Variants in PAPOLA observed in about 807,000 individuals in gnomAD.
PAPOLA encodes poly(A) polymerase alpha, also known as polynucleotide adenylyltransferase alpha.
PAPOLA carries 15 observed loss-of-function variants against 100.6 expected under a neutral mutation model. The observed-to-expected ratio is 0.15, with a 90% CI of 0.10 to 0.23. PAPOLA has a LOEUF of 0.23. Among genes scored for constraint, PAPOLA ranks in the 10% least tolerant of loss-of-function variants. PAPOLA has a pLI of 1.00. For missense variants in PAPOLA, 533 were observed against 884.2 expected, an observed-to-expected ratio of 0.60 and a Z score of 5.04; for synonymous variants, 293 against 300.0, an observed-to-expected ratio of 0.98 and a Z score of 0.24.
chr14:96,551,448 C>T (rs530672165), intron 16 of PAPOLA, among the ~76,000 whole-genome samples: 1 of 152,220 alleles, frequency 6.6e-6, no homozygotes, highest in Admixed American at 6.5e-5. Context: ...TCCTTTCTAC[C>T]AAATCTCATC....
intron 9 of PAPOLA, chr14:96,533,005 A>G (rs975185483): frequency 1.0e-6 from 1 of 990,110 alleles, no homozygotes; most frequent in Non-Finnish European, 1.2e-6. Flanking sequence ...TTAATTCTCT[A>G]TCTATAGGCC....
In PAPOLA at chr14:96,565,019, A is replaced by G; in HGVS notation, c.2207A>G (p.Lys736Arg). The G allele has an allele frequency of 6.3e-7, 1 of 1,596,456 alleles. No homozygotes were observed. The highest frequency in any genetic ancestry group is 8.6e-7 in the Non-Finnish European group (1 of 1,164,106). The change falls in exon 22 of 22, where the codon AAG becomes AGG. Residue 736 changes from lysine to arginine, a missense_variant. Transcript: ENST00000216277. ...CCTGCAAATCCTATTCCTGTTATCA[A>G]GAATTCAATAAAACTGAGATTGAAT... ...ALPANPIPVI[K>R]NSIKLRLNR
At chr14:96,540,413 CTTTT>C (rs1003084827) in intron 12 of PAPOLA, among the ~76,000 whole-genome samples, 1 of 138,606 alleles carries the variant, frequency 7.2e-6, no homozygotes. Context: ...TGTTCTTTAC[CTTTT>C]TTTTTTTTTT....
chr14:96,505,901 CCTTCCTTG>C (rs1270655442), intron 1 of PAPOLA, among the ~76,000 whole-genome samples: 2 of 152,082 alleles, frequency 1.3e-5, no homozygotes, highest in Non-Finnish European at 2.9e-5. Flanking sequence ...TTGATTCCTT[CCTTCCTTG>C]CTTCCTTCCG....
intron 14 of PAPOLA, 80 bp from the exon 15 acceptor site, chr14:96,544,069 C>T: frequency 1.3e-6 from 1 of 782,262 alleles, no homozygotes; most frequent in East Asian, 2.5e-5. Context: ...TAAGTTTTTC[C>T]ATGTCTCTGA....
chr14:96,552,879 A>T (rs1419064350), intron 17 of PAPOLA: 1 of 416,812 alleles, frequency 2.4e-6, no homozygotes, highest in Admixed American at 4.0e-5. Context: ...AACCCCTCCA[A>T]ATTCATGTAT....
intron 3 of PAPOLA, among the ~76,000 whole-genome samples, chr14:96,523,761 G>A (rs1002178430): frequency 6.6e-6 from 1 of 152,120 alleles, no homozygotes; most frequent in Non-Finnish European, 1.5e-5. Context: ...TGACTAACAT[G>A]GTGAAACCCT....
intron 17 of PAPOLA, among the ~76,000 whole-genome samples, chr14:96,554,102 TG>T (rs1406749178): frequency 2.0e-5 from 3 of 152,198 alleles, no homozygotes; most frequent in African/African-American, 7.2e-5. Flanking sequence ...AAATATAAAA[TG>T]TGTACAACTG....
chr14:96,556,497 C>A, intron 19 of PAPOLA, 84 bp downstream of exon 19: 1 of 903,788 alleles, frequency 1.1e-6, no homozygotes, highest in South Asian at 1.6e-5. Flanking sequence ...GTTTATGAAC[C>A]AAAATAGAGA....
intron 9 of PAPOLA, 94 bp downstream of exon 9, chr14:96,532,743 A>G: frequency 6.9e-7 from 1 of 1,444,216 alleles, no homozygotes; most frequent in Non-Finnish European, 9.0e-7. Flanking sequence ...TTCAGATTCA[A>G]ATTTTAGTTC....
At position 96,566,545 on chromosome 14, in the gene PAPOLA, C is replaced by A. The variant is rs367759949; in HGVS notation, c.*1495C>A. 8.5e-5 allele frequency: 13 copies of A among 152,664 alleles called. 1 individual carries two copies. The highest frequency in any genetic ancestry group is 3.1e-4 in the African/African-American group (13 of 41,544). The allele number at this position is 152,664 out of a possible 1,614,324, so 9.5% of individuals were successfully genotyped here. On this transcript the variant is annotated 3_prime_UTR_variant, in exon 22 of 22. Transcript: ENST00000216277. The stretch of plus-strand genomic sequence containing the variant: ...TTAAACTGCAATTACTTAATCTCTT[C>A]CCCTATCCTTCTAAATTAATTTTCT...
At chr14:96,509,842 T>C (rs1424744978) in intron 1 of PAPOLA, among the ~76,000 whole-genome samples, 2 of 152,256 alleles carry the variant, frequency 1.3e-5, no homozygotes, top group Non-Finnish European at 2.9e-5. Flanking sequence ...TGAAGAATTC[T>C]GTTAACGTGG....
chr14:96,542,623 C>G (rs1228791015), intron 13 of PAPOLA, 151 bp from the exon 14 acceptor site: 3 of 673,346 alleles, frequency 4.5e-6, no homozygotes, highest in Non-Finnish European at 7.2e-6. Flanking sequence ...GCTCTTTTTT[C>G]CCCGTTGTTT....
At position 96,502,617 on chromosome 14, in the gene PAPOLA, C is replaced by T. The variant is rs968745850; in HGVS notation, c.8+17C>T. 5 of 1,575,618 alleles carry T rather than the reference C, an allele frequency of 3.2e-6. No individual in the cohort carries two copies. In the Admixed American group the frequency reaches 5.4e-5, roughly 17 times the overall value. On this transcript the variant is annotated intron_variant, in intron 1 of 21. Transcript: ENST00000216277. ...GATGCCGTTGTAAGTAATTTGTATT[C>T]TGTTTTCTTTCGCTCGCCGGCTGGG...
At chr14:96,553,930 G>T (rs758160856) in intron 17 of PAPOLA, among the ~76,000 whole-genome samples, 1 of 152,180 alleles carries the variant, frequency 6.6e-6, no homozygotes, top group Non-Finnish European at 1.5e-5. Flanking sequence ...TGGACTTCAT[G>T]TGTATATGTT....
Position 96,552,607 on chromosome 14 carries a change from C to A in PAPOLA, c.1649C>A (p.Ser550Tyr), listed in dbSNP as rs537062710. 6.8e-6 allele frequency: 11 copies of A among 1,613,690 alleles called. 1 individual carries two copies. The East Asian group carries it at 1.3e-4, about 20-fold the overall frequency. Residue 550 changes from serine (S) to tyrosine (Y), a missense_variant, in exon 17 of 22, where the codon TCT becomes TAT. Ser to Tyr is a moderately radical substitution (Grantham distance 144, BLOSUM62 -2). This residue lies in a region of PAPOLA where 242 missense variants were observed against 281.0 expected (regional missense o/e 0.86). Transcript: ENST00000216277. The part of the protein sequence containing the change: ...SATKTSPLNS[S>Y]GSSQGRNSPA... The stretch of plus-strand genomic sequence containing the variant: ...ACGAAGACCAGTCCATTGAACAGTT[C>A]TGGCAGCTCTCAGGGGTAAGGAAAA...
At chr14:96,560,354 T>C (rs1901738055) in intron 19 of PAPOLA, 1 of 228,004 alleles carries the variant, frequency 4.4e-6, no homozygotes, top group African/African-American at 2.3e-5. Flanking sequence ...TTTTTTTTTT[T>C]CTTTTCCTTA....
At chr14:96,559,091 G>C (rs1901599320) in intron 19 of PAPOLA, among the ~76,000 whole-genome samples, 1 of 150,520 alleles carries the variant, frequency 6.6e-6, no homozygotes, top group African/African-American at 2.4e-5. Flanking sequence ...TTGATTAATA[G>C]AACTATAGCA....
intron 13 of PAPOLA, 153 bp downstream of exon 13, chr14:96,542,449 A>G: frequency 1.7e-6 from 1 of 576,940 alleles, no homozygotes; most frequent in Non-Finnish European, 3.1e-6. Flanking sequence ...GTGGAAGTAC[A>G]GAAATCAGGA....
Sources: gnomAD v4.1 joint callset for allele counts (sites outside exome capture counted in the v4.1 genomes callset) on GRCh38, gnomAD v4.1.1 for gene constraint, gnomAD v4.1.1 regional missense constraint, MANE v1.5 for transcripts, NCBI Gene and HGNC (gene_info 2026-07-23, HGNC 2026-07-21) for gene names.